The following KY variants were observed in gnomAD, a reference collection of about 807,000 sequenced individuals.
The protein encoded by KY is kyphoscoliosis peptidase.
A neutral mutation model predicts 76.1 loss-of-function variants in KY; 43 were observed. That is an observed-to-expected ratio of 0.57 (90% CI 0.44 to 0.73). The LOEUF (loss-of-function observed/expected upper bound fraction) is 0.73. KY is among the 30% of genes least tolerant of loss of function. KY has a pLI of 0.00. For missense variants in KY, 722 were observed against 828.9 expected (o/e 0.87, Z 1.58); for synonymous variants, 277 against 326.2 (o/e 0.85, Z 1.63).
At chr3:134,637,922 T>A (rs1965200747) in intron 3 of KY, among the ~76,000 whole-genome samples, 1 of 152,232 alleles carries the variant, frequency 6.6e-6, no homozygotes, top group African/African-American at 2.4e-5. Flanking sequence ...GCCCAGATGC[T>A]CCAGCCATCA....
intron 6 of KY, among the ~76,000 whole-genome samples, chr3:134,621,947 T>G (rs573637974): frequency 2.8e-4 from 42 of 152,076 alleles, no homozygotes; most frequent in Admixed American, 9.8e-4. Context: ...AAATGGCCAA[T>G]AAGCACATAA....
chr3:134,610,386 G>C lies in KY; in HGVS notation c.711-3C>G. On this transcript the variant is annotated splice_region_variant and splice_polypyrimidine_tract_variant and intron_variant, in intron 8 of 10. Transcript: ENST00000423778. Reference sequence around the variant, plus strand: ...TCATACACTGCACTCCGGCGAGCCTGGGGGCAGGACAGGGGGTCTGAGAGG... The same window carrying C: ...TCATACACTGCACTCCGGCGAGCCTCGGGGCAGGACAGGGGGTCTGAGAGG... 6.2e-7 allele frequency: 1 copy of C among 1,609,722 alleles called. No homozygotes were observed. Among genetic ancestry groups the C allele is most frequent in the Non-Finnish European group, 8.5e-7 (1 of 1,177,808 alleles).
chr3:134,616,223 C>CA (rs1173988945), intron 8 of KY, among the ~76,000 whole-genome samples: 8 of 152,122 alleles, frequency 5.3e-5, no homozygotes, highest in Admixed American at 2.6e-4. Flanking sequence ...TAGCATTAAC[C>CA]AAAAAACCCC....
At chr3:134,634,986 T>C (rs2107942490) in intron 3 of KY, among the ~76,000 whole-genome samples, 1 of 152,388 alleles carries the variant, frequency 6.6e-6, no homozygotes, top group Middle Eastern at 3.4e-3. Context: ...GAAAATAGTT[T>C]GGCAGTTTCT....
At chr3:134,640,105 C>T (rs6775611) in intron 3 of KY, among the ~76,000 whole-genome samples, 49,919 of 151,754 alleles carry the variant, frequency 0.33, 8,532 homozygotes, top group African/African-American at 0.37. Flanking sequence ...GTTCCTTTGC[C>T]ACCTGTTGCA....
At chr3:134,604,651 A>G (rs1469737101) in intron 10 of KY, among the ~76,000 whole-genome samples, 177 bp from the exon 11 acceptor site, 1 of 152,344 alleles carries the variant, frequency 6.6e-6, no homozygotes, top group East Asian at 1.9e-4. Context: ...GACTTCACTG[A>G]GCATGGCATC....
In KY at chr3:134,607,551, C is replaced by T. The variant is rs1959416172; in HGVS notation, c.1090+1098G>A. On this transcript the variant is annotated intron_variant, in intron 10 of 10. Transcript: ENST00000423778. ...GGTGTGGGAGGCTGGACTGACCCGA[C>T]TTACAGGGCTGTGCAGCGTGCCCAG... 5.1e-6 allele frequency: 5 copies of T among 985,524 alleles called. No homozygotes were observed. In the South Asian group the frequency reaches 1.9e-4, roughly 37 times the overall value. The allele number at this position is 985,524 out of a possible 1,614,324, so 61.0% of individuals were successfully genotyped here. A position where few individuals can be genotyped will look rare whatever the true frequency, so the allele number is the denominator to read the frequency against.
At chr3:134,605,796 G>T (rs1959185446) in intron 10 of KY, among the ~76,000 whole-genome samples, 1 of 151,966 alleles carries the variant, frequency 6.6e-6, no homozygotes, top group Admixed American at 6.5e-5. Flanking sequence ...CTAGGCTGCT[G>T]GCCTCCACGC....
chr3:134,608,146 C>T (rs1190211778), intron 10 of KY: 5 of 1,138,216 alleles, frequency 4.4e-6, no homozygotes, highest in Non-Finnish European at 5.5e-6. Context: ...ACCCAGATTC[C>T]AGCTCTGCTG....
chr3:134,608,248 G>C (rs957465575), intron 10 of KY: 11 of 1,193,878 alleles, frequency 9.2e-6, no homozygotes, highest in Non-Finnish European at 1.2e-5. Context: ...GCTATGTGTA[G>C]CCAGGGTGAC....
intron 4 of KY, among the ~76,000 whole-genome samples, chr3:134,628,942 A>T (rs1302668846): frequency 6.6e-6 from 1 of 152,232 alleles, no homozygotes. Flanking sequence ...GGCTCACTGC[A>T]TGGACCTAAA....
intron 9 of KY, among the ~76,000 whole-genome samples, chr3:134,609,494 A>C (rs1049033166): frequency 1.7e-4 from 26 of 152,146 alleles, no homozygotes; most frequent in African/African-American, 6.3e-4. Context: ...GAGTGTCAAG[A>C]TTTAAGGTGC....
At chr3:134,650,569 A>C (rs1478498108) in intron 1 of KY, among the ~76,000 whole-genome samples, 1 of 152,184 alleles carries the variant, frequency 6.6e-6, no homozygotes, top group Non-Finnish European at 1.5e-5. Flanking sequence ...AAAGACTCCC[A>C]GGGGTGACGG....
intron 3 of KY, among the ~76,000 whole-genome samples, chr3:134,641,672 G>A (rs2107995573): frequency 6.6e-6 from 1 of 152,284 alleles, no homozygotes; most frequent in East Asian, 1.9e-4. Flanking sequence ...CTCATTTGTG[G>A]AAATTTCCTG....
intron 8 of KY, among the ~76,000 whole-genome samples, chr3:134,615,718 T>A (rs552879625): frequency 6.6e-6 from 1 of 152,084 alleles, no homozygotes; most frequent in African/African-American, 2.4e-5. Context: ...AGCATCAGAT[T>A]TGGTGATAAT....
chr3:134,603,339 T>C lies in KY; in HGVS notation c.*240A>G. 2.2e-6 allele frequency: 1 copy of C among 449,912 alleles called. No homozygotes were observed. 27.9% of individuals were successfully genotyped at this position (449,912 alleles called of 1,614,324 possible). A position where few individuals can be genotyped will look rare whatever the true frequency, so the allele number is the denominator to read the frequency against. On this transcript the variant is annotated 3_prime_UTR_variant, in exon 11 of 11. Coordinates refer to ENST00000423778, the MANE Select transcript of KY (RefSeq NM_178554.6). ...CAGTTTACAATACCTTAGATTTACA[T>C]AGCACCTTTTCCTTCTAAAGAGCCA...
chr3:134,612,101 G>C (rs1206454763), intron 8 of KY, among the ~76,000 whole-genome samples: 1 of 152,170 alleles, frequency 6.6e-6, no homozygotes, highest in Non-Finnish European at 1.5e-5. Context: ...CGGGCCACTA[G>C]TGCTGAGGTT....
chr3:134,608,797 G>A lies in KY; in HGVS notation c.942C>T (p.Ile314=), dbSNP rs770016853. 39 of 1,613,844 alleles carry A rather than the reference G, an allele frequency of 2.4e-5. No homozygotes were observed. In the Admixed American group the frequency reaches 3.5e-4, roughly 14 times the overall value. ...TCTTGTTGTCTGGGAAGTGGTCCTC[G>A]ATGAACAGTGCAGGGTGGGTGAGGA... ...FYFLTHPALF[I]EDHFPDNKNW... Residue 314 remains isoleucine (I), a synonymous_variant, in exon 10 of 11, where the codon ATC becomes ATT. Transcript: ENST00000423778.
intron 4 of KY, 94 bp from the exon 5 acceptor site, chr3:134,627,912 C>T: frequency 1.1e-6 from 1 of 943,880 alleles, no homozygotes; most frequent in Non-Finnish European, 1.7e-6. Context: ...TTGCTTTTGA[C>T]CCCTCCTCTT....
Sources: allele counts gnomAD v4.1 joint callset (sites outside exome capture counted in the v4.1 genomes callset), GRCh38; gene constraint gnomAD v4.1.1; transcripts MANE v1.5; gene names NCBI Gene and HGNC (gene_info 2026-07-23, HGNC 2026-07-21).